RPS9: variants seen among roughly 807,000 people sequenced by gnomAD.
RPS9 encodes ribosomal protein S9.
A neutral mutation model predicts 16.9 loss-of-function variants in RPS9; 1 was observed. That is an observed-to-expected ratio of 0.06 (90% CI 0.02 to 0.28). The LOEUF is 0.28. Among genes scored for constraint, RPS9 ranks in the 10% least tolerant of loss-of-function variants. The pLI, the probability that RPS9 is intolerant of heterozygous loss-of-function variation, is 1.00. For synonymous variants in RPS9, 106 were observed against 110.9 expected (o/e 0.96, Z 0.28); for missense variants, 137 against 273.2 (o/e 0.50, Z 3.51).
Position 54,201,133 on chromosome 19 carries a change from T to C in RPS9, c.-25-27T>C, listed in dbSNP as rs964402012. 87 of 1,611,926 alleles carry C rather than the reference T, an allele frequency of 5.4e-5. No homozygotes were observed. The African/African-American group carries it at 8.3e-4, about 15-fold the overall frequency. ...ACTGCGCAGGCGCCGTTTGGATCCC[T>C]TACGCTCACACTTCTCTCCCGCGCA... On this transcript the variant is annotated intron_variant, in intron 1 of 4. Transcript: ENST00000302907.
chr19:54,207,172 C>T (rs1430810457), intron 4 of RPS9: 4 of 541,728 alleles, frequency 7.4e-6, no homozygotes, highest in South Asian at 2.6e-5. Flanking sequence ...TCGGATTTCT[C>T]CTATAAAATG....
chr19:54,205,699 C>G (rs980018726), intron 3 of RPS9, among the ~76,000 whole-genome samples: 1 of 152,080 alleles, frequency 6.6e-6, no homozygotes, highest in Non-Finnish European at 1.5e-5. Context: ...TTTACTCTTG[C>G]TAAGAATGTG....
At chr19:54,203,011 C>T (rs925105272) in intron 3 of RPS9, 5 of 983,688 alleles carry the variant, frequency 5.1e-6, no homozygotes, top group African/African-American at 1.7e-5. Flanking sequence ...TCATTCTTTT[C>T]GTCAATTTGT....
At chr19:54,202,868 T>C (rs1267970748) in intron 3 of RPS9, 2 of 985,242 alleles carry the variant, frequency 2.0e-6, no homozygotes, top group African/African-American at 3.5e-5. Context: ...TGTTAGAAGC[T>C]TTTTCTTTAA....
chr19:54,205,212 C>A (rs987268450), intron 3 of RPS9, among the ~76,000 whole-genome samples: 1 of 151,860 alleles, frequency 6.6e-6, no homozygotes, highest in African/African-American at 2.4e-5. Flanking sequence ...TAGCAGTGAG[C>A]GGGAGCCTAG....
intron 1 of RPS9, 42 bp from the exon 2 acceptor site, chr19:54,201,118 C>T: frequency 1.2e-6 from 2 of 1,609,696 alleles, no homozygotes; most frequent in Non-Finnish European, 1.7e-6. Flanking sequence ...ACTGCGCAGG[C>T]GCCGTTTGGA....
intron 3 of RPS9, chr19:54,201,876 A>C (rs1372515882): frequency 5.3e-6 from 3 of 566,626 alleles, no homozygotes; most frequent in Non-Finnish European, 9.0e-6. Context: ...ACACCTGGGC[A>C]CCCGTCTATA....
At position 54,200,863 on chromosome 19, in the gene RPS9, T is replaced by C. The variant is rs2077015192; in HGVS notation, c.-51T>C. 2.7e-6 allele frequency: 3 copies of C among 1,127,786 alleles called. No homozygotes were observed. Among genetic ancestry groups the C allele is most frequent in the Non-Finnish European group, 3.3e-6 (3 of 917,458 alleles). 69.9% of individuals were successfully genotyped at this position (1,127,786 alleles called of 1,614,324 possible). On this transcript the variant is annotated 5_prime_UTR_variant, in exon 1 of 5. Transcript: ENST00000302907. ...CAGCCGTGGCGCTTCCGCGCCTCTT[T>C]CTCAGTGACCGGGTGGTTTGCTTAG...
intron 4 of RPS9, 40 bp downstream of exon 4, chr19:54,206,502 C>A (rs1372316766): frequency 5.0e-6 from 8 of 1,611,022 alleles, no homozygotes; most frequent in East Asian, 4.5e-5. Context: ...CCTCCACCTG[C>A]CCCTCTGATG....
chr19:54,201,772 A>T, intron 3 of RPS9, 163 bp downstream of exon 3: 3 of 1,420,624 alleles, frequency 2.1e-6, no homozygotes, highest in Non-Finnish European at 2.8e-6. Context: ...GTGTATCTGG[A>T]TCAGTCTTTG....
At chr19:54,204,475 C>T (rs1476437654) in intron 3 of RPS9, among the ~76,000 whole-genome samples, 1 of 152,188 alleles carries the variant, frequency 6.6e-6, no homozygotes, top group Non-Finnish European at 1.5e-5. Context: ...ATGGTCGTGG[C>T]TCACTGCAGC....
Position 54,207,498 on chromosome 19 carries a change from C to T in RPS9, c.508C>T (p.Pro170Ser). The T allele has an allele frequency of 6.2e-7, 1 of 1,613,216 alleles. No individual in the cohort carries two copies. The highest frequency in any genetic ancestry group is 8.5e-7 in the Non-Finnish European group (1 of 1,180,034). Residue 170 changes from proline to serine, a missense_variant, in exon 5 of 5, where the codon CCG (proline) becomes TCG (serine). Physicochemically the swap from Pro to Ser is moderately conservative, Grantham distance 74. Coordinates refer to ENST00000302907, the MANE Select transcript of RPS9 (RefSeq NM_001013.4). ...GCGCTCTCCCTACGGGGGTGGCCGCCCGGGCCGCGTGAAGAGGAAGAATGC... is the reference window on the plus strand; with the variant it reads ...GCGCTCTCCCTACGGGGGTGGCCGCTCGGGCCGCGTGAAGAGGAAGAATGC... The part of the protein sequence containing the change: ...SLRSPYGGGR[P>S]GRVKRKNAKK...
intron 3 of RPS9, among the ~76,000 whole-genome samples, chr19:54,203,725 C>T (rs1194612055): frequency 2.6e-5 from 4 of 152,008 alleles, no homozygotes; most frequent in Non-Finnish European, 5.9e-5. Context: ...GAGCCGAGAT[C>T]CGCGGCACTG....
At position 54,201,405 on chromosome 19, in the gene RPS9, G is replaced by A. The variant is rs910368828; in HGVS notation, c.98-82G>A. ...TTTGGTACTATTCGTGGTTTAGGAA[G>A]GTTTTGTGATTCCAAAGCTGCCAGT... On this transcript the variant is annotated intron_variant, in intron 2 of 4. Coordinates refer to ENST00000302907, the MANE Select transcript of RPS9 (RefSeq NM_001013.4). The A allele has an allele frequency of 1.6e-5, 25 of 1,608,004 alleles. No homozygotes were observed. In the African/African-American group the frequency reaches 3.3e-4, roughly 22 times the overall value.
At chr19:54,207,331 G>A in intron 4 of RPS9, 67 bp from the exon 5 acceptor site, 1 of 1,389,276 alleles carries the variant, frequency 7.2e-7, no homozygotes, top group Non-Finnish European at 1.0e-6. Flanking sequence ...AGAGGAAAGA[G>A]TGGTGCGGTA....
chr19:54,201,008 T>G (rs978519483), intron 1 of RPS9, 120 bp downstream of exon 1: 1 of 1,444,914 alleles, frequency 6.9e-7, no homozygotes, highest in African/African-American at 1.4e-5. Flanking sequence ...TGAACGGGAG[T>G]GCAGCACGGT....
intron 3 of RPS9, among the ~76,000 whole-genome samples, chr19:54,204,006 C>T (rs1240277630): frequency 2.6e-5 from 4 of 152,176 alleles, no homozygotes; most frequent in African/African-American, 9.7e-5. Flanking sequence ...GTTTATTGTG[C>T]TGTTGAAAAC....
At chr19:54,201,362 T>C in intron 2 of RPS9, 81 bp downstream of exon 2, 1 of 1,608,924 alleles carries the variant, frequency 6.2e-7, no homozygotes, top group Non-Finnish European at 8.5e-7. Flanking sequence ...ATGTACTCTA[T>C]CTAGTCCGTC....
chr19:54,201,382 T>G, intron 2 of RPS9, 101 bp downstream of exon 2: 1 of 1,606,992 alleles, frequency 6.2e-7, no homozygotes, highest in East Asian at 2.2e-5. Flanking sequence ...CCCCTAAATT[T>G]GGTACTATTC....
Sources: allele counts gnomAD v4.1 joint callset (sites outside exome capture counted in the v4.1 genomes callset), GRCh38; gene constraint gnomAD v4.1.1; transcripts MANE v1.5; gene names NCBI Gene and HGNC (gene_info 2026-07-23, HGNC 2026-07-21).